The following CLEC1A variants were observed in gnomAD, a reference collection of about 807,000 sequenced individuals.
CLEC1A encodes C-type lectin-like receptor-1.
CLEC1A carries 34 observed loss-of-function variants against 28.7 expected under a neutral mutation model. The observed-to-expected ratio is 1.18, with a 90% confidence interval of 0.90 to 1.57. The LOEUF (loss-of-function observed/expected upper bound fraction) is 1.57, where lower values mean the gene tolerates loss of function less well. CLEC1A is among the 40% of genes most tolerant of loss of function. The pLI, the probability that CLEC1A is intolerant of heterozygous loss-of-function variation, is 0.00. For missense variants in CLEC1A, 385 were observed against 339.5 expected, an observed-to-expected ratio of 1.13 and a Z score of -1.05; for synonymous variants, 116 against 121.0, an observed-to-expected ratio of 0.96 and a Z score of 0.27.
In CLEC1A at chr12:10,073,363, T is replaced by C. The variant is rs1565598215; in HGVS notation, c.592A>G (p.Thr198Ala). 1 of 1,614,034 alleles carries C rather than the reference T, an allele frequency of 6.2e-7. No homozygotes were observed. The highest frequency in any genetic ancestry group is 8.5e-7 in the Non-Finnish European group (1 of 1,179,956). Residue 198 changes from threonine to alanine, a missense_variant, in exon 5 of 6, where the codon ACA (threonine) becomes GCA (alanine). Physicochemically the swap from Thr to Ala is moderately conservative, Grantham distance 58. Transcript: ENST00000315330. ...SYSEFFYSYW[T>A]GLLRPDSGKA... ...CCACTGTCAGGGCGCAAAAGCCCTG[T>C]CCAATAAGAGTAGAAAAACTCAGAG...
intron 1 of CLEC1A, among the ~76,000 whole-genome samples, chr12:10,095,737 C>T (rs1156501762): frequency 6.6e-6 from 1 of 152,168 alleles, no homozygotes; most frequent in Non-Finnish European, 1.5e-5. Context: ...TTAAAACTCA[C>T]AGTCATTATC....
At chr12:10,077,483 G>T (rs1343088807) in intron 3 of CLEC1A, among the ~76,000 whole-genome samples, 1 of 152,036 alleles carries the variant, frequency 6.6e-6, no homozygotes, top group South Asian at 2.1e-4. Flanking sequence ...GGAAAAACGG[G>T]TGGACTGAAA....
intron 2 of CLEC1A, among the ~76,000 whole-genome samples, chr12:10,086,101 G>A (rs892302876): frequency 4.6e-5 from 7 of 152,030 alleles, no homozygotes; most frequent in Non-Finnish European, 7.4e-5. Context: ...GGTAAACAAC[G>A]AAATCAAGAT....
At chr12:10,076,523 A>G (rs1555155087) in intron 3 of CLEC1A, among the ~76,000 whole-genome samples, 1 of 152,200 alleles carries the variant, frequency 6.6e-6, no homozygotes, top group Non-Finnish European at 1.5e-5. Flanking sequence ...TTGTCATGTT[A>G]TGAAAAACTT....
intron 1 of CLEC1A, among the ~76,000 whole-genome samples, chr12:10,095,540 CAA>C (rs977738330): frequency 6.6e-6 from 1 of 151,766 alleles, no homozygotes; most frequent in Non-Finnish European, 1.5e-5. Context: ...ATTTTATCTT[CAA>C]AAAAAAAGAG....
intron 3 of CLEC1A, among the ~76,000 whole-genome samples, chr12:10,076,741 G>A (rs762680747): frequency 2.6e-5 from 4 of 152,164 alleles, no homozygotes; most frequent in African/African-American, 4.8e-5. Context: ...TCCAGTTTGT[G>A]CAGAGACTTA....
intron 1 of CLEC1A, among the ~76,000 whole-genome samples, chr12:10,097,915 T>TAAAAAAAAAAAAAAAAAAAAAAAAAAAAA (rs11453815): frequency 8.5e-6 from 1 of 117,878 alleles, no homozygotes. Flanking sequence ...GTAGTTTAGT[T>TAAAAAAAAAAAAAAAAAAAAAAAAAAAAA]AAAAAAAAAA....
intron 3 of CLEC1A, among the ~76,000 whole-genome samples, chr12:10,079,047 T>C (rs1866311833): frequency 6.6e-6 from 1 of 152,218 alleles, no homozygotes; most frequent in Non-Finnish European, 1.5e-5. Flanking sequence ...CTTTTCTGTA[T>C]AAATTACCCA....
chr12:10,095,933 G>T (rs1210782579), intron 1 of CLEC1A, among the ~76,000 whole-genome samples: 1 of 152,070 alleles, frequency 6.6e-6, no homozygotes, highest in South Asian at 2.1e-4. Context: ...CTCAGGTGTT[G>T]ATATTCCCTC....
At chr12:10,096,241 A>G (rs1947774448) in intron 1 of CLEC1A, among the ~76,000 whole-genome samples, 1 of 152,100 alleles carries the variant, frequency 6.6e-6, no homozygotes, top group Non-Finnish European at 1.5e-5. Context: ...TCCCTTCTAT[A>G]GTTTCTGTCT....
intron 2 of CLEC1A, 133 bp downstream of exon 2, chr12:10,088,991 T>C (rs1406590057): frequency 1.4e-6 from 1 of 720,554 alleles, no homozygotes; most frequent in African/African-American, 1.8e-5. Context: ...ATAGTTGCCA[T>C]TTAAAAAAAG....
intron 3 of CLEC1A, among the ~76,000 whole-genome samples, chr12:10,076,172 T>C (rs1808688322): frequency 6.6e-6 from 1 of 152,172 alleles, no homozygotes; most frequent in Non-Finnish European, 1.5e-5. Flanking sequence ...TGTCACAAAT[T>C]AAATTGGGCA....
Position 10,075,672 on chromosome 12 carries a change from T to C in CLEC1A, c.392-17A>G. On this transcript the variant is annotated splice_polypyrimidine_tract_variant and intron_variant, in intron 3 of 5. Transcript: ENST00000315330. ...ACCTGTGTGCTTGGAAAAAAGCCAATTTTATTGTTATTTTCTGCATGAGTC... is the reference window on the plus strand; with the variant it reads ...ACCTGTGTGCTTGGAAAAAAGCCAACTTTATTGTTATTTTCTGCATGAGTC... 7 of 1,610,580 alleles carry C rather than the reference T, an allele frequency of 4.3e-6. No homozygotes were observed. The highest frequency in any genetic ancestry group is 2.2e-5 in the East Asian group (1 of 44,850).
At chr12:10,089,682 C>A (rs933878518) in intron 1 of CLEC1A, among the ~76,000 whole-genome samples, 1 of 151,992 alleles carries the variant, frequency 6.6e-6, no homozygotes, top group African/African-American at 2.4e-5. Context: ...CCCCTTCCCC[C>A]AAGTTCCGTA....
At chr12:10,087,336 C>G (rs1185953786) in intron 2 of CLEC1A, among the ~76,000 whole-genome samples, 1 of 149,842 alleles carries the variant, frequency 6.7e-6, no homozygotes, top group Admixed American at 6.7e-5. Context: ...AAATATGACA[C>G]ATTACATAAA....
rs989588119 is a variant in CLEC1A at position 10,073,388 on chromosome 12, G to A, written c.567C>T (p.Tyr189=). 5 of 1,613,832 alleles carry A rather than the reference G, an allele frequency of 3.1e-6. No homozygotes were observed. Among genetic ancestry groups the A allele is most frequent in the Non-Finnish European group, 3.4e-6 (4 of 1,179,836 alleles). Residue 189 remains tyrosine, a synonymous_variant, in exon 5 of 6, where the codon TAC becomes TAT. Coordinates refer to ENST00000315330, the MANE Select transcript of CLEC1A (RefSeq NM_016511.4). The part of the protein sequence containing the change: ...EDLEFAASQS[Y]SEFFYSYWTG... ...TCCAATAAGAGTAGAAAAACTCAGA[G>A]TAGCTCTGAGACGCGGCAAATTCCT...
chr12:10,096,761 T>C (rs1006288457), intron 1 of CLEC1A, among the ~76,000 whole-genome samples: 1 of 152,070 alleles, frequency 6.6e-6, no homozygotes, highest in Non-Finnish European at 1.5e-5. Flanking sequence ...CCTTCATACG[T>C]CTCTCTGTCT....
In CLEC1A at chr12:10,071,091, T is replaced by C; in HGVS notation, c.*242A>G. On this transcript the variant is annotated 3_prime_UTR_variant, in exon 6 of 6. Transcript: ENST00000315330. ...GTTATCTCTAAGCCAAGAAGGCAGA[T>C]GACATTATGGGTTTCTGAGGTTGGT... is the stretch of plus-strand genomic sequence containing the variant. The C allele has an allele frequency of 2.9e-6, 1 of 341,266 alleles. No individual in the cohort carries two copies. Among genetic ancestry groups the C allele is most frequent in the Non-Finnish European group, 5.3e-6 (1 of 189,308 alleles). 21.1% of individuals were successfully genotyped at this position (341,266 alleles called of 1,614,324 possible).
chr12:10,098,384 C>T (rs1372665911), intron 1 of CLEC1A, among the ~76,000 whole-genome samples: 1 of 152,014 alleles, frequency 6.6e-6, no homozygotes, highest in African/African-American at 2.4e-5. Flanking sequence ...TAAAACACTG[C>T]CAGCACATAA....
Sources: gnomAD v4.1 joint callset for allele counts (sites outside exome capture counted in the v4.1 genomes callset) on GRCh38, gnomAD v4.1.1 for gene constraint, MANE v1.5 for transcripts, NCBI Gene and HGNC (gene_info 2026-07-23, HGNC 2026-07-21) for gene names.